PLXNA4: variants seen among roughly 807,000 people sequenced by gnomAD.
PLXNA4 encodes plexin-A4.
PLXNA4 carries 44 observed loss-of-function variants against 191.8 expected under a neutral mutation model. The ratio of observed to expected loss-of-function variants is 0.23; its 90% CI spans 0.18 to 0.29. The LOEUF (loss-of-function observed/expected upper bound fraction) is 0.29, where lower values mean the gene tolerates loss of function less well. PLXNA4 is among the 10% of genes least tolerant of loss of function. The pLI, the probability that PLXNA4 is intolerant of heterozygous loss-of-function variation, is 1.00. For synonymous variants in PLXNA4, 1,082 were observed against 1,009.5 expected (o/e 1.07, Z -1.36); for missense variants, 1,800 against 2,488.8 (o/e 0.72, Z 5.89).
Position 132,241,093 on chromosome 7 carries a change from T to TG in PLXNA4, c.1576dup (p.His526ProfsTer18). ...GTTGTGCAGCACACACCAGCCACAGTGGGGGTCGCCTGAGCCAAGGCACTC... is the reference window on the plus strand; with the variant it reads ...GTTGTGCAGCACACACCAGCCACAGTGGGGGGTCGCCTGAGCCAAGGCACTC... On this transcript the variant is annotated frameshift_variant, in exon 5 of 32. Coordinates refer to ENST00000321063, the MANE Select transcript of PLXNA4 (RefSeq NM_020911.2). LOFTEE classifies it high-confidence loss of function. 1 of 1,613,002 alleles carries TG rather than the reference T, an allele frequency of 6.2e-7. No homozygotes were observed. The highest frequency in any genetic ancestry group is 8.5e-7 in the Non-Finnish European group (1 of 1,179,336).
intron 5 of PLXNA4, among the ~76,000 whole-genome samples, chr7:132,238,775 G>A (rs1562985540): frequency 6.6e-6 from 1 of 151,864 alleles, no homozygotes; most frequent in Non-Finnish European, 1.5e-5. Context: ...TTACAGTAGA[G>A]CCATCTGGAA....
chr7:132,595,567 AT>A (rs1283255753), intron 2 of PLXNA4, among the ~76,000 whole-genome samples: 1 of 152,204 alleles, frequency 6.6e-6, no homozygotes, highest in Non-Finnish European at 1.5e-5. Flanking sequence ...TTATTTTAAA[AT>A]CTGGAAAAGG....
intron 1 of PLXNA4, among the ~76,000 whole-genome samples, chr7:132,572,774 G>A (rs551431179): frequency 1.3e-5 from 2 of 152,328 alleles, no homozygotes; most frequent in East Asian, 3.9e-4. Flanking sequence ...GATCAGGTGG[G>A]AGTCTGGGGA....
intron 3 of PLXNA4, among the ~76,000 whole-genome samples, chr7:132,370,859 C>T (rs1804409317): frequency 6.6e-6 from 1 of 152,232 alleles, no homozygotes; most frequent in Admixed American, 6.5e-5. Context: ...CATACCACGT[C>T]CCAGGAGTCG....
intron 4 of PLXNA4, among the ~76,000 whole-genome samples, chr7:132,295,595 G>A (rs533031339): frequency 6.6e-6 from 1 of 152,272 alleles, no homozygotes; most frequent in Non-Finnish European, 1.5e-5. Flanking sequence ...TTTGCCCTGA[G>A]CTCTATTCCG....
At chr7:132,526,131 G>C (rs1799391782) in intron 1 of PLXNA4, among the ~76,000 whole-genome samples, 1 of 152,122 alleles carries the variant, frequency 6.6e-6, no homozygotes, top group Non-Finnish European at 1.5e-5. Flanking sequence ...TTCACTTATT[G>C]AAAAGAAAAC....
chr7:132,496,027 T>G (rs1563133263), intron 2 of PLXNA4, among the ~76,000 whole-genome samples: 7 of 152,178 alleles, frequency 4.6e-5, no homozygotes, highest in African/African-American at 1.7e-4. Context: ...TTTCCCAGTG[T>G]GGGGATGGAC....
intron 2 of PLXNA4, among the ~76,000 whole-genome samples, chr7:132,500,886 A>G (rs529605232): frequency 4.1e-4 from 62 of 152,314 alleles, no homozygotes; most frequent in Admixed American, 2.2e-3. Context: ...TTGCCCAGTG[A>G]TATCTCACAA....
intron 2 of PLXNA4, among the ~76,000 whole-genome samples, chr7:132,594,926 GATA>G (rs879835530): frequency 0.045 from 4,369 of 98,082 alleles, 426 homozygotes; most frequent in East Asian, 0.33. Context: ...TAGATAGATA[GATA>G]GATAGATAGA....
At position 132,329,240 on chromosome 7, in the gene PLXNA4, T is replaced by C. The variant is rs150492304; in HGVS notation, c.1372-31018A>G. Among the ~76,000 whole-genome samples, 8 of 152,304 alleles carry C rather than the reference T, an allele frequency of 5.3e-5. No homozygotes were observed. In the East Asian group the frequency reaches 7.7e-4, roughly 15 times the overall value. On this transcript the variant is annotated intron_variant, in intron 3 of 31. Coordinates refer to ENST00000321063, the MANE Select transcript of PLXNA4 (RefSeq NM_020911.2). ...ACTCCATGCCTTCCTGTAGGTGGAA[T>C]CTGTCTCTTGAATCCAGCTCCAGCC...
intron 4 of PLXNA4, among the ~76,000 whole-genome samples, chr7:132,251,465 C>T (rs1447661137): frequency 6.6e-6 from 1 of 152,118 alleles, no homozygotes; most frequent in Non-Finnish European, 1.5e-5. Flanking sequence ...GCAGCGGAGC[C>T]AAGCTAGTCC....
chr7:132,636,120 A>T (rs796726731), intron 2 of PLXNA4, among the ~76,000 whole-genome samples: 7 of 152,314 alleles, frequency 4.6e-5, no homozygotes, highest in African/African-American at 1.7e-4. Flanking sequence ...AACAATGGAA[A>T]ATGAGTGCAA....
At chr7:132,384,530 A>G in intron 3 of PLXNA4, 1 of 986,940 alleles carries the variant, frequency 1.0e-6, no homozygotes, top group Non-Finnish European at 1.2e-6. Context: ...ACTGGACAAC[A>G]CCAATTAACT....
intron 1 of PLXNA4, among the ~76,000 whole-genome samples, chr7:132,525,637 G>A (rs1799370549): frequency 6.6e-6 from 1 of 152,192 alleles, no homozygotes; most frequent in Non-Finnish European, 1.5e-5. Context: ...AGGTGAGAAA[G>A]GGAAGACCTA....
intron 3 of PLXNA4, among the ~76,000 whole-genome samples, chr7:132,314,470 G>A (rs1168355543): frequency 1.3e-5 from 2 of 152,162 alleles, no homozygotes; most frequent in African/African-American, 4.8e-5. Flanking sequence ...CCATGACCGG[G>A]GGTGCTGGTT....
At chr7:132,348,678 T>G (rs1803350788) in intron 3 of PLXNA4, among the ~76,000 whole-genome samples, 1 of 152,166 alleles carries the variant, frequency 6.6e-6, no homozygotes, top group East Asian at 1.9e-4. Context: ...GGAAGCAAAG[T>G]AAGCATAGCC....
At chr7:132,134,763 C>T (rs1563049862) in intron 30 of PLXNA4, among the ~76,000 whole-genome samples, 2 of 152,294 alleles carry the variant, frequency 1.3e-5, no homozygotes, top group South Asian at 2.1e-4. Context: ...GCCCTGCCCC[C>T]GTCTCATTTG....
At chr7:132,281,989 C>A (rs1800495373) in intron 4 of PLXNA4, among the ~76,000 whole-genome samples, 1 of 152,136 alleles carries the variant, frequency 6.6e-6, no homozygotes, top group African/African-American at 2.4e-5. Context: ...ACTGACTCAG[C>A]CAGTGAGGAT....
chr7:132,637,043 T>A (rs927311444), intron 2 of PLXNA4, among the ~76,000 whole-genome samples: 1 of 152,152 alleles, frequency 6.6e-6, no homozygotes, highest in African/African-American at 2.4e-5. Flanking sequence ...TAGAAATGCT[T>A]GGAATGACAA....
Sources: gnomAD v4.1 joint callset for allele counts (sites outside exome capture counted in the v4.1 genomes callset) on GRCh38, gnomAD v4.1.1 for gene constraint, MANE v1.5 for transcripts, NCBI Gene and HGNC (gene_info 2026-07-23, HGNC 2026-07-21) for gene names.